The following TTC7A variants were observed in gnomAD, a reference collection of about 807,000 sequenced individuals.
TTC7A encodes tetratricopeptide repeat protein 7A.
A neutral mutation model predicts 103.7 loss-of-function variants in TTC7A; 110 were observed. That is an observed-to-expected ratio of 1.06 (90% CI 0.91 to 1.24). TTC7A has a LOEUF of 1.24. Ranked by LOEUF, TTC7A falls within the 50% of genes most tolerant of loss-of-function variation. The pLI is 0.00. For missense variants in TTC7A, 1,340 were observed against 1,116.3 expected (o/e 1.20, Z -2.86); for synonymous variants, 521 against 467.9 (o/e 1.11, Z -1.47).
chr2:47,017,908 AATTGT>A (rs1169421150), intron 11 of TTC7A, among the ~76,000 whole-genome samples: 3 of 148,246 alleles, frequency 2.0e-5, no homozygotes. Context: ...ATGGAAGATT[AATTGT>A]ATAATACATA....
intron 8 of TTC7A, among the ~76,000 whole-genome samples, chr2:47,001,817 C>T (rs906869551): frequency 1.0e-4 from 15 of 150,274 alleles, no homozygotes; most frequent in Non-Finnish European, 2.1e-4. Context: ...CGAGACCACA[C>T]CACTGCTCTC....
chr2:46,943,924 G>A (rs897751277), intron 1 of TTC7A, among the ~76,000 whole-genome samples: 4 of 152,190 alleles, frequency 2.6e-5, no homozygotes, highest in Admixed American at 2.6e-4. Context: ...GATTCAGGGA[G>A]GCAGAAAGGG....
rs547677213 is a variant in TTC7A at position 47,064,669 on chromosome 2, G to C, written c.2355+3698G>C. On this transcript the variant is annotated intron_variant, in intron 19 of 19. Transcript: ENST00000319190. ...CAGAAGAGGTACCTGAGGAAACCAGGGAGTCCCAACAGTGACTGGTGGAAT... is the reference window on the plus strand; with the variant it reads ...CAGAAGAGGTACCTGAGGAAACCAGCGAGTCCCAACAGTGACTGGTGGAAT... 8.8e-4 allele frequency among the ~76,000 whole-genome samples: 134 copies of C among 152,276 alleles called. 1 individual carries two copies. The highest frequency in any genetic ancestry group is 3.2e-3 in the African/African-American group (131 of 41,564).
chr2:47,012,112 G>A lies in TTC7A; in HGVS notation c.1392+677G>A, dbSNP rs556331603. On this transcript the variant is annotated intron_variant, in intron 11 of 19. Transcript: ENST00000319190. ...ACAGTGCCAGGAGCCCAGGTCCCCC[G>A]CCTTGCTGTAGTCCTCCTGCCCTGG... Among the ~76,000 whole-genome samples, 9 of 152,302 alleles carry A rather than the reference G, an allele frequency of 5.9e-5. No individual in the cohort carries two copies. The East Asian group carries it at 7.7e-4, about 13-fold the overall frequency.
At chr2:46,928,240 G>A (rs544590899) in intron 2 of TTC7A, among the ~76,000 whole-genome samples, 1 of 151,870 alleles carries the variant, frequency 6.6e-6, no homozygotes, top group African/African-American at 2.4e-5. Flanking sequence ...CAGTTTTGCA[G>A]CTTAAAATAA....
intron 11 of TTC7A, among the ~76,000 whole-genome samples, chr2:47,019,640 A>G (rs1043669542): frequency 5.9e-5 from 9 of 152,040 alleles, no homozygotes; most frequent in African/African-American, 1.9e-4. Context: ...CTAGAATATG[A>G]TGTATATGAA....
At chr2:46,957,956 TGTG>T (rs1672031868) in intron 3 of TTC7A, among the ~76,000 whole-genome samples, 2 of 152,140 alleles carry the variant, frequency 1.3e-5, no homozygotes, top group Middle Eastern at 3.2e-3. Context: ...CTCACTATCT[TGTG>T]GGGAAACTGA....
chr2:47,009,603 G>C lies in TTC7A; in HGVS notation c.1288-1728G>C, dbSNP rs114965551. ...TGTCCAGGGTGGACATAGACCATTC[G>C]GATCATAGCTGTGCACCTGCCAGTT... On this transcript the variant is annotated intron_variant, in intron 10 of 19. Transcript: ENST00000319190. Among the ~76,000 whole-genome samples the C allele has an allele frequency of 2.8e-3, 423 of 152,246 alleles. 3 individuals carry two copies. Among genetic ancestry groups the C allele is most frequent in the African/African-American group, 9.7e-3 (404 of 41,550 alleles).
chr2:47,072,404 T>G (rs1684828451), intron 19 of TTC7A, among the ~76,000 whole-genome samples: 1 of 152,174 alleles, frequency 6.6e-6, no homozygotes, highest in Non-Finnish European at 1.5e-5. Flanking sequence ...GGGAGAGGCC[T>G]TTCCTAGGGC....
At chr2:47,047,350 A>G in intron 16 of TTC7A, 1 of 1,529,754 alleles carries the variant, frequency 6.5e-7, no homozygotes, top group Middle Eastern at 1.7e-4. Flanking sequence ...AATCAGACAG[A>G]GTAAAACACC....
chr2:46,945,616 C>G (rs183646184), intron 1 of TTC7A, among the ~76,000 whole-genome samples: 1 of 152,176 alleles, frequency 6.6e-6, no homozygotes, highest in Non-Finnish European at 1.5e-5. Context: ...ATTTTGAACT[C>G]CTAGACTCAA....
At chr2:47,024,184 T>C in intron 13 of TTC7A, 103 bp from the exon 14 acceptor site, 3 of 1,014,962 alleles carry the variant, frequency 3.0e-6, no homozygotes, top group South Asian at 1.8e-5. Flanking sequence ...CCCAGGGTAT[T>C]GCCTCATAGC....
At chr2:47,001,479 G>A (rs1439847364) in intron 8 of TTC7A, among the ~76,000 whole-genome samples, 1 of 152,136 alleles carries the variant, frequency 6.6e-6, no homozygotes, top group East Asian at 1.9e-4. Flanking sequence ...TCTGCAGAGG[G>A]TGGGGGGTGG....
chr2:46,985,375 A>T (rs534234715), intron 5 of TTC7A, among the ~76,000 whole-genome samples: 75 of 152,370 alleles, frequency 4.9e-4, no homozygotes, highest in Non-Finnish European at 8.1e-4. Flanking sequence ...GTCCCAGGAC[A>T]CGTGGCAGTT....
At chr2:47,021,322 A>T (rs1052091692) in intron 11 of TTC7A, among the ~76,000 whole-genome samples, 1 of 152,158 alleles carries the variant, frequency 6.6e-6, no homozygotes, top group Non-Finnish European at 1.5e-5. Flanking sequence ...TTTGTGTCCC[A>T]TGTCATGTGG....
At chr2:47,072,773 C>T (rs1297659758) in intron 19 of TTC7A, among the ~76,000 whole-genome samples, 1 of 150,734 alleles carries the variant, frequency 6.6e-6, no homozygotes, top group Non-Finnish European at 1.5e-5. Flanking sequence ...AGTGGGACGG[C>T]ATGAAGCAAC....
intron 8 of TTC7A, 152 bp downstream of exon 8, chr2:46,995,351 A>G: frequency 1.3e-6 from 1 of 761,782 alleles, no homozygotes; most frequent in Non-Finnish European, 2.1e-6. Flanking sequence ...GGGCCCCCAT[A>G]CAGCAAGTCT....
chr2:47,039,282 A>G (rs1429457102), intron 15 of TTC7A, among the ~76,000 whole-genome samples: 2 of 152,222 alleles, frequency 1.3e-5, no homozygotes, highest in Non-Finnish European at 2.9e-5. Context: ...GAGTAACTAC[A>G]GGGAGCTGCT....
At chr2:47,005,848 G>T in intron 8 of TTC7A, 74 bp from the exon 9 acceptor site, 3 of 1,559,818 alleles carry the variant, frequency 1.9e-6, no homozygotes, top group Non-Finnish European at 2.6e-6. Context: ...GGCCAGCAAG[G>T]TGGGGGCCCT....
Sources: allele counts gnomAD v4.1 joint callset (sites outside exome capture counted in the v4.1 genomes callset), GRCh38; gene constraint gnomAD v4.1.1; transcripts MANE v1.5; gene names NCBI Gene and HGNC (gene_info 2026-07-23, HGNC 2026-07-21).